The following NDUFA7 variants were observed in gnomAD, a reference collection of about 807,000 sequenced individuals.
The protein encoded by NDUFA7 is NADH:ubiquinone oxidoreductase subunit A7, also known as NADH dehydrogenase [ubiquinone] 1 alpha subcomplex subunit 7.
NDUFA7 carries 18 observed loss-of-function variants against 14.2 expected under a neutral mutation model. That is an observed-to-expected ratio of 1.27 (90% confidence interval 0.88 to 1.88). NDUFA7 has a LOEUF of 1.88. Among genes scored for constraint, NDUFA7 ranks in the 40% most tolerant of loss-of-function variants. The pLI is 0.00. For synonymous variants in NDUFA7, 75 were observed against 62.1 expected, an observed-to-expected ratio of 1.21 and a Z score of -0.98; for missense variants, 172 against 147.3, an observed-to-expected ratio of 1.17 and a Z score of -0.87.
At chr19:8,318,098 C>T (rs2145397599) in intron 2 of NDUFA7, among the ~76,000 whole-genome samples, 1 of 152,108 alleles carries the variant, frequency 6.6e-6, no homozygotes, top group Non-Finnish European at 1.5e-5. Flanking sequence ...GATGTGGTGG[C>T]TCATACCTTG....
At chr19:8,308,727 G>A (rs913358035), downstream of NDUFA7, 5 of 234,204 alleles carry the variant, frequency 2.1e-5, no homozygotes, top group Admixed American at 2.3e-4. Flanking sequence ...TGTTGTCCGA[G>A]TCCCCATAGA....
At chr19:8,317,335 G>A (rs1397040763) in intron 2 of NDUFA7, among the ~76,000 whole-genome samples, 1 of 152,136 alleles carries the variant, frequency 6.6e-6, no homozygotes, top group African/African-American at 2.4e-5. Context: ...GGGAGGCCGA[G>A]GTGGGTGGAT....
chr19:8,309,751 T>C (rs115387826), downstream of NDUFA7, among the ~76,000 whole-genome samples: 783 of 152,216 alleles, frequency 5.1e-3, 5 homozygotes, highest in African/African-American at 0.018. Flanking sequence ...CTCAGCACCC[T>C]CTTGGTCCAC....
At chr19:8,320,967 G>A in intron 1 of NDUFA7, 61 bp from the exon 2 acceptor site, 3 of 1,588,848 alleles carry the variant, frequency 1.9e-6, no homozygotes, top group Non-Finnish European at 2.6e-6. Context: ...GGAAAGGAGA[G>A]GGCAAGGGAC....
At chr19:8,316,148 C>CAAAAAAA (rs60161246) in intron 3 of NDUFA7, among the ~76,000 whole-genome samples, 42 of 80,574 alleles carry the variant, frequency 5.2e-4, no homozygotes, top group Non-Finnish European at 6.8e-4. Flanking sequence ...GACTCCGTCT[C>CAAAAAAA]AAAAAAAAAA....
chr19:8,316,367 GCA>G (rs1970233516), intron 3 of NDUFA7, 127 bp downstream of exon 3: 15 of 1,339,046 alleles, frequency 1.1e-5, no homozygotes, highest in Non-Finnish European at 1.5e-5. Flanking sequence ...GCTCCCAGCA[GCA>G]CAGTTCCTGC....
At chr19:8,314,309 G>A (rs188943407) in intron 3 of NDUFA7, among the ~76,000 whole-genome samples, 42 of 152,240 alleles carry the variant, frequency 2.8e-4, no homozygotes, top group African/African-American at 9.1e-4. Flanking sequence ...CAATAAGAGT[G>A]AGACTGTCTC....
At chr19:8,316,157 A>G (rs1229436320) in intron 3 of NDUFA7, among the ~76,000 whole-genome samples, 1 of 151,530 alleles carries the variant, frequency 6.6e-6, no homozygotes, top group African/African-American at 2.4e-5. Flanking sequence ...TCAAAAAAAA[A>G]AAAAAAAAAA....
chr19:8,315,934 C>T (rs993202286), intron 3 of NDUFA7, among the ~76,000 whole-genome samples: 12 of 151,878 alleles, frequency 7.9e-5, no homozygotes, highest in Admixed American at 2.6e-4. Flanking sequence ...TCGGGTGGAT[C>T]ACAAGGTCAG....
downstream of NDUFA7, among the ~76,000 whole-genome samples, chr19:8,309,060 A>C (rs1970142398): frequency 6.6e-6 from 1 of 152,188 alleles, no homozygotes; most frequent in Middle Eastern, 3.4e-3. Flanking sequence ...GCCCGCCTCA[A>C]GAAAAAAGAA....
chr19:8,317,237 C>T (rs752881041), intron 2 of NDUFA7, among the ~76,000 whole-genome samples: 83 of 152,146 alleles, frequency 5.5e-4, no homozygotes, highest in Non-Finnish European at 1.0e-3. Flanking sequence ...AAACCCTGGG[C>T]TGGATTTACC....
intron 2 of NDUFA7, among the ~76,000 whole-genome samples, chr19:8,317,695 GAT>G (rs1280101859): frequency 5.3e-5 from 8 of 152,116 alleles, no homozygotes; most frequent in Non-Finnish European, 1.2e-4. Flanking sequence ...CAGCCTGGAT[GAT>G]ATATGCAATC....
At chr19:8,313,489 CA>C (rs1465846247) in intron 3 of NDUFA7, among the ~76,000 whole-genome samples, 2 of 152,256 alleles carry the variant, frequency 1.3e-5, no homozygotes, top group African/African-American at 4.8e-5. Context: ...CCCGGCCTCC[CA>C]AAGTGCTGGG....
downstream of NDUFA7, among the ~76,000 whole-genome samples, chr19:8,309,107 A>C (rs765115362): frequency 7.9e-5 from 12 of 152,038 alleles, no homozygotes; most frequent in Non-Finnish European, 1.5e-4. Flanking sequence ...TTGTAGTCCC[A>C]GCTACTCAGG....
intron 2 of NDUFA7, among the ~76,000 whole-genome samples, chr19:8,320,446 G>A (rs975762926): frequency 2.0e-5 from 3 of 152,186 alleles, no homozygotes; most frequent in Non-Finnish European, 4.4e-5. Context: ...ACGGGGGCTT[G>A]TAAATATCAA....
At position 8,313,356 on chromosome 19, in the gene NDUFA7, G is replaced by A. The variant is rs553204508; in HGVS notation, c.252-1761C>T. On this transcript the variant is annotated intron_variant, in intron 3 of 3. Coordinates refer to ENST00000301457, the MANE Select transcript of NDUFA7 (RefSeq NM_005001.5). ...CACCACTCTCCTGCCTCAGCCTCCC[G>A]AATAGCTGGGACTACAGGCGCCCAC... is the stretch of plus-strand genomic sequence containing the variant. Among the ~76,000 whole-genome samples the A allele has an allele frequency of 4.6e-5, 7 of 151,680 alleles. No individual in the cohort carries two copies. In the East Asian group the frequency reaches 9.8e-4, roughly 21 times the overall value.
chr19:8,311,637 G>C (rs1482153126), intron 3 of NDUFA7, 42 bp from the exon 4 acceptor site: 3 of 1,566,798 alleles, frequency 1.9e-6, no homozygotes, highest in Non-Finnish European at 2.6e-6. Context: ...CCAAAGAACA[G>C]TGTGGAAAGA....
At chr19:8,310,853 C>T (rs958595318), downstream of NDUFA7, 11 of 125,768 alleles carry the variant, frequency 8.7e-5, no homozygotes, top group Non-Finnish European at 3.5e-5. Flanking sequence ...GCCATCTCTA[C>T]AAAAAAAAAA....
chr19:8,315,388 C>T (rs889129645), intron 3 of NDUFA7, among the ~76,000 whole-genome samples: 1 of 152,110 alleles, frequency 6.6e-6, no homozygotes, highest in Admixed American at 6.5e-5. Flanking sequence ...GGTGTAAAAC[C>T]CGATTGTATA....
Sources: gnomAD v4.1 joint callset for allele counts (sites outside exome capture counted in the v4.1 genomes callset) on GRCh38, gnomAD v4.1.1 for gene constraint, MANE v1.5 for transcripts, NCBI Gene and HGNC (gene_info 2026-07-23, HGNC 2026-07-21) for gene names.